MYO5B: variants seen among roughly 807,000 people sequenced by gnomAD.
MYO5B encodes myosin VB.
A neutral mutation model predicts 229.3 loss-of-function variants in MYO5B; 143 were observed. The ratio of observed to expected loss-of-function variants is 0.62; its 90% CI spans 0.54 to 0.72. The LOEUF (loss-of-function observed/expected upper bound fraction) is 0.72. Ranked by LOEUF, MYO5B falls within the 30% of genes least tolerant of loss-of-function variation. The pLI is 0.00. For synonymous variants in MYO5B, 918 were observed against 885.2 expected, an observed-to-expected ratio of 1.04 and a Z score of -0.66; for missense variants, 2,321 against 2,331.0, an observed-to-expected ratio of 1.00 and a Z score of 0.09.
intron 1 of MYO5B, among the ~76,000 whole-genome samples, chr18:50,119,686 A>G (rs1285668390): frequency 6.6e-6 from 1 of 152,190 alleles, no homozygotes; most frequent in Non-Finnish European, 1.5e-5. Flanking sequence ...GGGATGTATT[A>G]AAGGGAAAAC....
intron 4 of MYO5B, among the ~76,000 whole-genome samples, chr18:50,027,675 GA>G (rs905913948): frequency 6.6e-6 from 1 of 152,122 alleles, no homozygotes; most frequent in African/African-American, 2.4e-5. Context: ...AGTACCTGGA[GA>G]AAAAACTGCT....
At chr18:50,141,056 T>C (rs956230577) in intron 1 of MYO5B, among the ~76,000 whole-genome samples, 2 of 152,236 alleles carry the variant, frequency 1.3e-5, no homozygotes, top group African/African-American at 4.8e-5. Context: ...TACTGCCACA[T>C]GGCTGACCTC....
At chr18:50,031,678 A>G (rs573533447) in intron 4 of MYO5B, among the ~76,000 whole-genome samples, 5 of 152,332 alleles carry the variant, frequency 3.3e-5, no homozygotes, top group Admixed American at 1.3e-4. Context: ...GTACAGGAAT[A>G]TGGAGAAGAA....
At chr18:49,941,286 G>A (rs2025310724) in intron 14 of MYO5B, among the ~76,000 whole-genome samples, 1 of 152,158 alleles carries the variant, frequency 6.6e-6, no homozygotes, top group African/African-American at 2.4e-5. Context: ...CAGTCTAAAA[G>A]CACCAACCAA....
intron 17 of MYO5B, among the ~76,000 whole-genome samples, chr18:49,920,337 T>C (rs1297248528): frequency 6.6e-6 from 1 of 152,164 alleles, no homozygotes; most frequent in African/African-American, 2.4e-5. Flanking sequence ...GATGAAAACA[T>C]AAGAGGTTTG....
At chr18:50,094,838 A>AT (rs570843373) in intron 1 of MYO5B, among the ~76,000 whole-genome samples, 29,260 of 151,326 alleles carry the variant, frequency 0.19, 3,324 homozygotes, top group African/African-American at 0.32. Flanking sequence ...AAACCTGTAC[A>AT]TTTTTTTTTA....
Position 49,949,856 on chromosome 18 carries a change from C to CT in MYO5B, c.1752+3403dup, listed in dbSNP as rs2025414034. On this transcript the variant is annotated intron_variant, in intron 14 of 39. Coordinates refer to ENST00000285039, the MANE Select transcript of MYO5B (RefSeq NM_001080467.3). ...TTAATATGGAGTTAGAAACATATGC[C>CT]TCATAGGGCTACTATGAAAACTAAA... Among the ~76,000 whole-genome samples, 6 of 152,172 alleles carry CT rather than the reference C, an allele frequency of 3.9e-5. No individual in the cohort carries two copies. In the South Asian group the frequency reaches 1.2e-3, roughly 32 times the overall value.
Position 50,034,446 on chromosome 18 carries a change from T to C in MYO5B, c.455+2404A>G, listed in dbSNP as rs546872931. Among the ~76,000 whole-genome samples the C allele has an allele frequency of 4.6e-5, 7 of 152,340 alleles. No homozygotes were observed. The South Asian group carries it at 1.4e-3, about 32-fold the overall frequency. On this transcript the variant is annotated intron_variant, in intron 4 of 39. Transcript: ENST00000285039. ...CCTGAGCTGCTGACAACAGAAGTAA[T>C]TCAAAATTAGCTCTCAGTCGTGCGT...
At chr18:50,106,923 C>T (rs2031771644) in intron 1 of MYO5B, among the ~76,000 whole-genome samples, 1 of 152,036 alleles carries the variant, frequency 6.6e-6, no homozygotes, top group South Asian at 2.1e-4. Context: ...GAAATAAATG[C>T]TCATTGACCA....
chr18:50,001,356 C>A lies in MYO5B; in HGVS notation c.511G>T (p.Val171Leu). Residue 171 changes from valine (V) to leucine (L), a missense_variant, in exon 5 of 40, where the codon GTA (valine) becomes TTA (leucine). Physicochemically the swap from Val to Leu is conservative, Grantham distance 32. This residue lies in a region of MYO5B where 2,113 missense variants were observed against 2,044.7 expected (regional missense o/e 1.03). Coordinates refer to ENST00000285039, the MANE Select transcript of MYO5B (RefSeq NM_001080467.3). ...TAGCGCATGGCATACTTGGCTGATA[C>A]CGTCTTCCCGGCTCCAGACTCCCCA... ...VSGESGAGKTVSAKYAMRYFA... is the reference protein window; with the variant it reads ...VSGESGAGKTLSAKYAMRYFA... 1 of 1,614,192 alleles carries A rather than the reference C, an allele frequency of 6.2e-7. No homozygotes were observed. The highest frequency in any genetic ancestry group is 8.5e-7 in the Non-Finnish European group (1 of 1,180,022).
chr18:49,997,933 T>A (rs939104275), intron 5 of MYO5B, among the ~76,000 whole-genome samples: 1 of 152,178 alleles, frequency 6.6e-6, no homozygotes. Context: ...AATCAATCAG[T>A]AATCAGCTGT....
chr18:49,917,479 C>T (rs764691001), intron 17 of MYO5B, among the ~76,000 whole-genome samples: 5 of 38,724 alleles, frequency 1.3e-4, no homozygotes, highest in Non-Finnish European at 3.2e-4. Flanking sequence ...TTACTCCAGA[C>T]CATGGTTTGT....
Position 50,055,372 on chromosome 18 carries a change from T to C in MYO5B, c.34A>G (p.Arg12Gly). Residue 12 changes from arginine to glycine, a missense_variant, in exon 2 of 40, where the codon AGG (arginine) becomes GGG (glycine). By Grantham distance (125) the Arg-to-Gly change is moderately radical (BLOSUM62 -2). Coordinates refer to ENST00000285039, the MANE Select transcript of MYO5B (RefSeq NM_001080467.3). ...TCATCAGGGTCAGGGATCCAGACCC[T>C]TGTGCACTGAAAGATTAAAACAGAA... ...SVGELYSQCTRVWIPDPDEVW... is the reference protein window; with the variant it reads ...SVGELYSQCTGVWIPDPDEVW... 6.2e-7 allele frequency: 1 copy of C among 1,613,128 alleles called. No individual in the cohort carries two copies. Among genetic ancestry groups the C allele is most frequent in the Non-Finnish European group, 8.5e-7 (1 of 1,179,372 alleles).
chr18:49,879,334 C>T (rs185697998), intron 23 of MYO5B: 5 of 529,044 alleles, frequency 9.5e-6, no homozygotes, highest in East Asian at 3.5e-5. Context: ...AAGTTGGCAG[C>T]GTAGGTGAGA....
At chr18:50,156,085 C>T (rs1353959943) in intron 1 of MYO5B, among the ~76,000 whole-genome samples, 1 of 152,188 alleles carries the variant, frequency 6.6e-6, no homozygotes, top group Non-Finnish European at 1.5e-5. Context: ...AAAGTAAAAT[C>T]TCAATTAACC....
intron 18 of MYO5B, among the ~76,000 whole-genome samples, chr18:49,909,537 T>A (rs930758415): frequency 6.6e-6 from 1 of 152,210 alleles, no homozygotes; most frequent in Non-Finnish European, 1.5e-5. Flanking sequence ...CTTGGCTAGT[T>A]CCCCAGCCAG....
At chr18:49,903,834 T>G in intron 20 of MYO5B, among the ~76,000 whole-genome samples, 1 of 152,224 alleles carries the variant, frequency 6.6e-6, no homozygotes, top group Non-Finnish European at 1.5e-5. Flanking sequence ...CCCAAGGGTT[T>G]TGGCTTCACT....
chr18:49,931,904 G>C (rs1456957777), intron 16 of MYO5B, among the ~76,000 whole-genome samples: 1 of 152,166 alleles, frequency 6.6e-6, no homozygotes, highest in Non-Finnish European at 1.5e-5. Flanking sequence ...CACAGCAGCT[G>C]TGTTCCCCAA....
At chr18:49,958,285 C>T (rs1036601888) in intron 12 of MYO5B, among the ~76,000 whole-genome samples, 7 of 152,204 alleles carry the variant, frequency 4.6e-5, no homozygotes, top group Non-Finnish European at 7.3e-5. Flanking sequence ...AAGTTGATCT[C>T]GACAACTCCT....
Sources: gnomAD v4.1 joint callset for allele counts (sites outside exome capture counted in the v4.1 genomes callset) on GRCh38, gnomAD v4.1.1 for gene constraint, gnomAD v4.1.1 regional missense constraint, MANE v1.5 for transcripts, NCBI Gene and HGNC (gene_info 2026-07-23, HGNC 2026-07-21) for gene names.